Variants in RBFOX1 observed in about 807,000 individuals in gnomAD.
RBFOX1 encodes the protein RNA binding protein fox-1 homolog 1.
RBFOX1 carries 8 observed loss-of-function variants against 57.7 expected under a neutral mutation model. The ratio of observed to expected loss-of-function variants is 0.14; its 90% CI spans 0.08 to 0.25. The LOEUF (loss-of-function observed/expected upper bound fraction) is 0.25, where lower values mean the gene tolerates loss of function less well. Among genes scored for constraint, RBFOX1 ranks in the 10% least tolerant of loss-of-function variants. The probability of loss-of-function intolerance (pLI) is 1.00; values close to 1 mark genes in which losing one functional copy is unlikely to be tolerated. For missense variants in RBFOX1, 611 were observed against 548.5 expected, an observed-to-expected ratio of 1.11 and a Z score of -1.14; for synonymous variants, 326 against 222.4, an observed-to-expected ratio of 1.47 and a Z score of -4.15.
chr16:5,781,954 C>T (rs911677115), intron 3 of RBFOX1, among the ~76,000 whole-genome samples: 3 of 152,138 alleles, frequency 2.0e-5, no homozygotes, highest in African/African-American at 4.8e-5. Context: ...GCCTGTAATC[C>T]CAGCACTTAG....
chr16:7,417,528 TTGTGTGTGTGTGTG>T (rs545621108), intron 4 of RBFOX1, among the ~76,000 whole-genome samples: 2 of 68,460 alleles, frequency 2.9e-5, no homozygotes, highest in South Asian at 1.3e-3. Context: ...TCACATGGTA[TTGTGTGTGTGTGTG>T]TGTGTGTGTG....
At chr16:6,336,282 TC>T (rs2083738929) in intron 2 of RBFOX1, among the ~76,000 whole-genome samples, 1 of 135,368 alleles carries the variant, frequency 7.4e-6, no homozygotes, top group African/African-American at 2.7e-5. Flanking sequence ...CACTGCAAGC[TC>T]CGCCTCCCAG....
Position 7,156,449 on chromosome 16 carries a change from A to T in RBFOX1, c.27+104351A>T, listed in dbSNP as rs567256381. ...TACATACACATGTAGATATGCATATATGTGTACATATACATGCACATATAC... is the reference window on the plus strand; with the variant it reads ...TACATACACATGTAGATATGCATATTTGTGTACATATACATGCACATATAC... On this transcript the variant is annotated intron_variant, in intron 4 of 15. Coordinates refer to ENST00000550418, the MANE Select transcript of RBFOX1 (RefSeq NM_018723.4). Among the ~76,000 whole-genome samples the T allele has an allele frequency of 2.0e-5, 3 of 152,282 alleles. No individual in the cohort carries two copies. The South Asian group carries it at 6.2e-4, about 32-fold the overall frequency.
intron 2 of RBFOX1, among the ~76,000 whole-genome samples, chr16:6,342,542 T>C (rs2084724359): frequency 6.6e-6 from 1 of 152,086 alleles, no homozygotes; most frequent in African/African-American, 2.4e-5. Flanking sequence ...AGATTCAAGG[T>C]TGAGGCATTG....
intron 1 of RBFOX1, among the ~76,000 whole-genome samples, chr16:5,302,481 T>C (rs1317876915): frequency 6.6e-6 from 1 of 152,226 alleles, no homozygotes; most frequent in Non-Finnish European, 1.5e-5. Context: ...TCAAATTTAA[T>C]ATATGCCTAC....
intron 4 of RBFOX1, among the ~76,000 whole-genome samples, chr16:7,170,705 G>A (rs979095050): frequency 6.6e-6 from 1 of 152,160 alleles, no homozygotes; most frequent in Non-Finnish European, 1.5e-5. Context: ...GGTTTCTGCT[G>A]TATCCTCACA....
At position 6,140,632 on chromosome 16, in the gene RBFOX1, C is replaced by G. The variant is rs1004490815; in HGVS notation, c.-127+120640C>G. Among the ~76,000 whole-genome samples, 4 of 152,310 alleles carry G rather than the reference C, an allele frequency of 2.6e-5. No individual in the cohort carries two copies. The South Asian group carries it at 8.3e-4, about 32-fold the overall frequency. On this transcript the variant is annotated intron_variant, in intron 1 of 15. Coordinates refer to ENST00000550418, the MANE Select transcript of RBFOX1 (RefSeq NM_018723.4). Reference sequence around the variant, plus strand: ...CAGAAAAGATTTGCTGCCTCCCTGTCTTGATCCCAACTCCTTCCCTCCTGT... The same window carrying G: ...CAGAAAAGATTTGCTGCCTCCCTGTGTTGATCCCAACTCCTTCCCTCCTGT...
At chr16:6,338,984 G>C (rs1464926291) in intron 2 of RBFOX1, among the ~76,000 whole-genome samples, 1 of 152,120 alleles carries the variant, frequency 6.6e-6, no homozygotes, top group Non-Finnish European at 1.5e-5. Context: ...TTACAGATTT[G>C]GGTAATTCCC....
chr16:6,313,816 C>G (rs1031871830), intron 1 of RBFOX1, among the ~76,000 whole-genome samples: 1 of 36,184 alleles, frequency 2.8e-5, no homozygotes, highest in South Asian at 1.9e-3. Flanking sequence ...AAACTCAGAA[C>G]ATTTTAGTTA....
intron 4 of RBFOX1, among the ~76,000 whole-genome samples, chr16:7,102,682 A>G (rs967898824): frequency 2.6e-5 from 4 of 152,208 alleles, no homozygotes; most frequent in Admixed American, 1.3e-4. Flanking sequence ...CTAATCTTGC[A>G]CACCAGCATG....
chr16:5,746,881 G>T (rs2053005183), intron 3 of RBFOX1, among the ~76,000 whole-genome samples: 2 of 152,220 alleles, frequency 1.3e-5, no homozygotes, highest in Non-Finnish European at 2.9e-5. Flanking sequence ...CATGTCCTGT[G>T]CAAACAGGGA....
rs1288154919 is a variant in RBFOX1, at chr16:7,294,794, TGA to T, written c.28-223352_28-223351del. Among the ~76,000 whole-genome samples, 17 of 152,068 alleles carry T rather than the reference TGA, an allele frequency of 1.1e-4. No homozygotes were observed. The Middle Eastern group carries it at 0.01, about 91-fold the overall frequency. The stretch of plus-strand genomic sequence containing the variant: ...ATGAATATGATGATGATGATGATGA[TGA>T]TGATGACAGTGGTGATTTTGTAAGC... On this transcript the variant is annotated intron_variant, in intron 4 of 15. Coordinates refer to ENST00000550418, the MANE Select transcript of RBFOX1 (RefSeq NM_018723.4).
At chr16:5,649,217 C>T (rs1306214268) in intron 3 of RBFOX1, among the ~76,000 whole-genome samples, 2 of 151,922 alleles carry the variant, frequency 1.3e-5, no homozygotes, top group Non-Finnish European at 2.9e-5. Flanking sequence ...CTCTGTCACC[C>T]AGGTTGGAGT....
downstream of RBFOX1, among the ~76,000 whole-genome samples, chr16:5,603,064 G>T (rs963167036): frequency 6.6e-6 from 1 of 152,122 alleles, no homozygotes; most frequent in African/African-American, 2.4e-5. Flanking sequence ...CCAGGCCATG[G>T]CATCTCACCG....
intron 3 of RBFOX1, among the ~76,000 whole-genome samples, chr16:6,892,242 A>T (rs543812866): frequency 6.6e-6 from 1 of 152,088 alleles, no homozygotes; most frequent in African/African-American, 2.4e-5. Flanking sequence ...AATTCTTCAC[A>T]TTTTTGACAG....
In RBFOX1 at chr16:7,687,555, T is replaced by C. The variant is rs1166027183; in HGVS notation, c.995+10717T>C. Among the ~76,000 whole-genome samples the C allele has an allele frequency of 3.9e-5, 6 of 152,042 alleles. No homozygotes were observed. The East Asian group carries it at 5.8e-4, about 15-fold the overall frequency. Reference sequence around the variant, plus strand: ...TTTTAATAGGTACATCCTATCTGCATATTATGTTTAATATTCAGAAAACAC... The same window carrying C: ...TTTTAATAGGTACATCCTATCTGCACATTATGTTTAATATTCAGAAAACAC... On this transcript the variant is annotated intron_variant, in intron 14 of 15. Transcript: ENST00000550418.
At chr16:5,500,991 G>A (rs896953668) in intron 2 of RBFOX1, among the ~76,000 whole-genome samples, 2 of 152,246 alleles carry the variant, frequency 1.3e-5, no homozygotes, top group East Asian at 3.9e-4. Flanking sequence ...AAGTTTTACA[G>A]CAATGACTTT....
intron 3 of RBFOX1, among the ~76,000 whole-genome samples, chr16:6,674,660 G>A (rs760248841): frequency 3.3e-5 from 5 of 152,070 alleles, no homozygotes; most frequent in African/African-American, 4.8e-5. Context: ...GGAGATGTAC[G>A]AATGTAGACT....
chr16:6,153,734 C>A (rs1193737737), intron 1 of RBFOX1, among the ~76,000 whole-genome samples: 1 of 152,122 alleles, frequency 6.6e-6, no homozygotes, highest in African/African-American at 2.4e-5. Context: ...CAGGGTTTCA[C>A]CATGTTGGCC....
Sources: gnomAD v4.1 joint callset for allele counts (sites outside exome capture counted in the v4.1 genomes callset) on GRCh38, gnomAD v4.1.1 for gene constraint, MANE v1.5 for transcripts, NCBI Gene and HGNC (gene_info 2026-07-23, HGNC 2026-07-21) for gene names.